SPAG16: variants seen among roughly 807,000 people sequenced by gnomAD.
The protein encoded by SPAG16 is sperm-associated antigen 16 protein.
In SPAG16, 86 loss-of-function variants were observed where a neutral mutation model predicts 80.4. The ratio of observed to expected loss-of-function variants is 1.07; its 90% CI spans 0.90 to 1.28. SPAG16 has a LOEUF of 1.28. SPAG16 is among the 50% of genes most tolerant of loss of function. The pLI is 0.00. For missense variants in SPAG16, 870 were observed against 765.3 expected, an observed-to-expected ratio of 1.14 and a Z score of -1.61; for synonymous variants, 294 against 265.9, an observed-to-expected ratio of 1.11 and a Z score of -1.03.
intron 15 of SPAG16, among the ~76,000 whole-genome samples, chr2:214,261,107 C>CAAAAAAAAAAAAAAA (rs558534808): frequency 1.5e-4 from 8 of 54,470 alleles, no homozygotes; most frequent in East Asian, 6.4e-4. Context: ...GACTCAGTCT[C>CAAAAAAAAAAAAAAA]AAAAAAAAAA....
At chr2:213,394,558 C>T (rs1398066789) in intron 9 of SPAG16, among the ~76,000 whole-genome samples, 1 of 152,186 alleles carries the variant, frequency 6.6e-6, no homozygotes, top group African/African-American at 2.4e-5. Context: ...CAGAGGATCC[C>T]TGGTGTTGCC....
At chr2:213,643,767 C>CTTTTTTTTTTTT (rs71063764) in intron 10 of SPAG16, among the ~76,000 whole-genome samples, 1 of 52,004 alleles carries the variant, frequency 1.9e-5, no homozygotes, top group Non-Finnish European at 3.5e-5. Context: ...CTCACTACTT[C>CTTTTTTTTTTTT]TTTTTTTTTT....
chr2:214,141,191 G>A (rs1399112327), intron 14 of SPAG16, among the ~76,000 whole-genome samples: 3 of 152,060 alleles, frequency 2.0e-5, no homozygotes, highest in Admixed American at 1.3e-4. Context: ...ATTTTTGCCT[G>A]GGCACGGTGG....
At chr2:214,347,019 G>A (rs938197596) in intron 15 of SPAG16, among the ~76,000 whole-genome samples, 5 of 152,194 alleles carry the variant, frequency 3.3e-5, no homozygotes, top group African/African-American at 1.2e-4. Flanking sequence ...GTACCTGAAA[G>A]TAAGATAAGT....
At chr2:213,881,465 T>G (rs529555698) in intron 11 of SPAG16, among the ~76,000 whole-genome samples, 1 of 152,334 alleles carries the variant, frequency 6.6e-6, no homozygotes, top group East Asian at 1.9e-4. Context: ...TGTGTCTGTT[T>G]TTATACTGCT....
At chr2:213,842,860 A>G (rs1398193547) in intron 10 of SPAG16, among the ~76,000 whole-genome samples, 1 of 152,170 alleles carries the variant, frequency 6.6e-6, no homozygotes, top group African/African-American at 2.4e-5. Context: ...TCCAGCTCCT[A>G]GACTCAAACT....
intron 15 of SPAG16, among the ~76,000 whole-genome samples, chr2:214,317,897 C>T (rs1189515103): frequency 6.6e-6 from 1 of 152,124 alleles, no homozygotes; most frequent in Non-Finnish European, 1.5e-5. Flanking sequence ...ATGGAATTAC[C>T]ACAATTTTTT....
At chr2:213,728,448 A>T (rs567086149) in intron 10 of SPAG16, among the ~76,000 whole-genome samples, 1 of 152,188 alleles carries the variant, frequency 6.6e-6, no homozygotes, top group African/African-American at 2.4e-5. Flanking sequence ...AGCAAAGGAA[A>T]CTGGGAGATG....
chr2:213,505,593 C>T (rs759891947), intron 10 of SPAG16, among the ~76,000 whole-genome samples: 6 of 152,044 alleles, frequency 3.9e-5, no homozygotes, highest in South Asian at 4.1e-4. Context: ...TACATAATTA[C>T]GTACAACTTG....
intron 15 of SPAG16, among the ~76,000 whole-genome samples, chr2:214,382,383 G>A (rs1700500899): frequency 6.6e-6 from 1 of 152,160 alleles, no homozygotes; most frequent in Non-Finnish European, 1.5e-5. Context: ...TTGCAAAATA[G>A]AACCTACATT....
At chr2:213,702,565 A>C (rs1358867963) in intron 10 of SPAG16, among the ~76,000 whole-genome samples, 1 of 152,162 alleles carries the variant, frequency 6.6e-6, no homozygotes, top group Non-Finnish European at 1.5e-5. Flanking sequence ...CGAGACCAAG[A>C]ACCCACCAGT....
Position 214,202,967 on chromosome 2 carries a change from A to G in SPAG16, c.1720+53701A>G, listed in dbSNP as rs79828999. ...AGAATTGCCTTCTCTTTTGGTACAA[A>G]AAAAATCTAAAGTTTCATTTTCTGA... On this transcript the variant is annotated intron_variant, in intron 15 of 15. Transcript: ENST00000331683. Among the ~76,000 whole-genome samples, 18 of 152,358 alleles carry G rather than the reference A, an allele frequency of 1.2e-4. No individual in the cohort carries two copies. In the East Asian group the frequency reaches 3.5e-3, roughly 29 times the overall value.
intron 9 of SPAG16, among the ~76,000 whole-genome samples, chr2:213,408,563 C>T (rs767414415): frequency 6.8e-6 from 1 of 147,424 alleles, no homozygotes; most frequent in African/African-American, 2.7e-5. Flanking sequence ...CCTAACCCAG[C>T]AGGTTTCCTA....
intron 12 of SPAG16, among the ~76,000 whole-genome samples, chr2:213,961,704 A>C (rs2106352824): frequency 6.6e-6 from 1 of 152,134 alleles, no homozygotes; most frequent in South Asian, 2.1e-4. Flanking sequence ...AATTATTAAC[A>C]CATCCTTGCA....
At chr2:213,483,857 A>G (rs537882888) in intron 9 of SPAG16, among the ~76,000 whole-genome samples, 2 of 152,332 alleles carry the variant, frequency 1.3e-5, no homozygotes, top group Non-Finnish European at 2.9e-5. Flanking sequence ...CTTTAATTGT[A>G]TTCTAAAAGT....
At chr2:213,842,386 C>A (rs1256728191) in intron 10 of SPAG16, among the ~76,000 whole-genome samples, 8 of 151,826 alleles carry the variant, frequency 5.3e-5, no homozygotes, top group East Asian at 1.9e-4. Flanking sequence ...CAGTAAGAAC[C>A]AGGAGTAGTA....
At chr2:213,387,431 C>CTTTTTTTTTTTTTTTT (rs71060428) in intron 9 of SPAG16, among the ~76,000 whole-genome samples, 5 of 47,914 alleles carry the variant, frequency 1.0e-4, no homozygotes, top group East Asian at 7.1e-4. Context: ...AATGCATGCT[C>CTTTTTTTTTTTTTTTT]TTTTTTTTTT....
intron 11 of SPAG16, among the ~76,000 whole-genome samples, chr2:213,893,942 A>G (rs1375638162): frequency 1.3e-5 from 2 of 152,170 alleles, no homozygotes; most frequent in Non-Finnish European, 2.9e-5. Flanking sequence ...TTATCCAATT[A>G]AAAGGCATAG....
At chr2:214,352,920 A>G in intron 15 of SPAG16, among the ~76,000 whole-genome samples, 1 of 152,106 alleles carries the variant, frequency 6.6e-6, no homozygotes, top group East Asian at 1.9e-4. Flanking sequence ...TAGTTACTAT[A>G]CTGTCACCCC....
Sources: gnomAD v4.1 joint callset for allele counts (sites outside exome capture counted in the v4.1 genomes callset) on GRCh38, gnomAD v4.1.1 for gene constraint, MANE v1.5 for transcripts, NCBI Gene and HGNC (gene_info 2026-07-23, HGNC 2026-07-21) for gene names.